The following SNTB1 variants were observed in gnomAD, a reference collection of about 807,000 sequenced individuals.
SNTB1 encodes the protein syntrophin beta 1.
SNTB1 carries 36 observed loss-of-function variants against 48.9 expected under a neutral mutation model. The observed-to-expected ratio is 0.74, with a 90% CI of 0.56 to 0.97. The LOEUF (loss-of-function observed/expected upper bound fraction) is 0.97, where lower values mean the gene tolerates loss of function less well. Ranked by LOEUF, SNTB1 falls within the 50% of genes least tolerant of loss-of-function variation. The pLI, the probability that SNTB1 is intolerant of heterozygous loss-of-function variation, is 0.00. For synonymous variants in SNTB1, 299 were observed against 294.6 expected (o/e 1.01, Z -0.15); for missense variants, 786 against 703.4 (o/e 1.12, Z -1.33).
At chr8:120,604,054 C>G (rs960846239) in intron 3 of SNTB1, among the ~76,000 whole-genome samples, 1 of 152,066 alleles carries the variant, frequency 6.6e-6, no homozygotes, top group African/African-American at 2.4e-5. Flanking sequence ...TGGTCCAGAT[C>G]CTCTGATTAC....
intron 2 of SNTB1, among the ~76,000 whole-genome samples, chr8:120,668,194 C>G (rs1429956681): frequency 6.6e-6 from 1 of 152,334 alleles, no homozygotes; most frequent in East Asian, 1.9e-4. Context: ...CTGTCAGGCT[C>G]TCCTGCGGTT....
chr8:120,779,679 AC>A (rs1198842570), intron 1 of SNTB1, among the ~76,000 whole-genome samples: 1 of 152,102 alleles, frequency 6.6e-6, no homozygotes, highest in East Asian at 1.9e-4. Context: ...TGTGGGTAAA[AC>A]GAACTTTGAG....
chr8:120,804,337 C>G (rs1407250163), intron 1 of SNTB1, among the ~76,000 whole-genome samples: 1 of 152,020 alleles, frequency 6.6e-6, no homozygotes, highest in Non-Finnish European at 1.5e-5. Flanking sequence ...GTTCCAGGCA[C>G]TGTGCTAAAG....
intron 1 of SNTB1, among the ~76,000 whole-genome samples, chr8:120,704,276 C>G (rs117172329): frequency 1.3e-5 from 2 of 151,964 alleles, no homozygotes; most frequent in African/African-American, 4.8e-5. Flanking sequence ...TACAGCATGA[C>G]CTCATTTCTA....
chr8:120,802,604 A>T (rs1404957587), intron 1 of SNTB1, among the ~76,000 whole-genome samples: 3 of 152,184 alleles, frequency 2.0e-5, no homozygotes, highest in Non-Finnish European at 4.4e-5. Flanking sequence ...CCTATATGGC[A>T]AATCACAAAT....
At chr8:120,590,468 G>A (rs1479705504) in intron 3 of SNTB1, among the ~76,000 whole-genome samples, 2 of 152,082 alleles carry the variant, frequency 1.3e-5, no homozygotes, top group Admixed American at 1.3e-4. Flanking sequence ...AGGAAGCACA[G>A]GAAACATTAT....
chr8:120,639,939 A>G (rs2129666193), intron 2 of SNTB1, among the ~76,000 whole-genome samples: 1 of 151,870 alleles, frequency 6.6e-6, no homozygotes, highest in South Asian at 2.1e-4. Context: ...CTTGATGGGG[A>G]TGGCATTGAA....
intron 1 of SNTB1, among the ~76,000 whole-genome samples, chr8:120,785,151 C>T (rs138794093): frequency 8.9e-4 from 136 of 152,270 alleles, no homozygotes; most frequent in Admixed American, 2.4e-3. Context: ...TTAGAGAAAC[C>T]CCCAGCTGAG....
intron 1 of SNTB1, among the ~76,000 whole-genome samples, chr8:120,808,520 T>A (rs950342616): frequency 6.6e-6 from 1 of 152,206 alleles, no homozygotes; most frequent in Non-Finnish European, 1.5e-5. Flanking sequence ...AAGGGATAGT[T>A]TCATGTTCAT....
At chr8:120,754,578 A>C (rs917805184) in intron 1 of SNTB1, among the ~76,000 whole-genome samples, 5 of 152,212 alleles carry the variant, frequency 3.3e-5, no homozygotes, top group African/African-American at 1.2e-4. Flanking sequence ...TGGGGATAAG[A>C]ATTGTTCCAA....
At chr8:120,549,005 T>C in intron 4 of SNTB1, 47 bp from the exon 5 acceptor site, 3 of 1,465,920 alleles carry the variant, frequency 2.0e-6, no homozygotes, top group Non-Finnish European at 2.8e-6. Context: ...GACTAGTTTA[T>C]TCACCTGGCA....
At chr8:120,689,023 A>G (rs1446523498) in intron 2 of SNTB1, among the ~76,000 whole-genome samples, 1 of 152,198 alleles carries the variant, frequency 6.6e-6, no homozygotes, top group African/African-American at 2.4e-5. Context: ...TGAATATGAA[A>G]AACAAGAGAT....
intron 1 of SNTB1, among the ~76,000 whole-genome samples, chr8:120,705,758 T>C (rs963061906): frequency 6.6e-6 from 1 of 152,230 alleles, no homozygotes; most frequent in Non-Finnish European, 1.5e-5. Context: ...AGCATAAAAT[T>C]GTGCTGTACA....
chr8:120,694,978 A>G (rs528937205), intron 1 of SNTB1, among the ~76,000 whole-genome samples: 5 of 152,276 alleles, frequency 3.3e-5, no homozygotes, highest in South Asian at 4.2e-4. Context: ...GCTCTTTGAT[A>G]TATTTGCCTT....
chr8:120,640,593 T>C (rs1817175287), intron 2 of SNTB1, among the ~76,000 whole-genome samples: 1 of 152,214 alleles, frequency 6.6e-6, no homozygotes, highest in African/African-American at 2.4e-5. Context: ...CATGAAGGAC[T>C]GTTGAATTTT....
chr8:120,776,894 G>A (rs972095804), intron 1 of SNTB1: 5 of 152,134 alleles, frequency 3.3e-5, no homozygotes, highest in South Asian at 2.1e-4. Flanking sequence ...TCTAAGAAGC[G>A]TGCAGATTAA....
intron 2 of SNTB1, among the ~76,000 whole-genome samples, chr8:120,667,089 C>A (rs1817684875): frequency 7.7e-6 from 1 of 129,160 alleles, no homozygotes; most frequent in African/African-American, 2.7e-5. Flanking sequence ...AATTCTCTCT[C>A]TCTCTCTCTT....
chr8:120,543,443 C>T (rs1815325065), intron 5 of SNTB1, among the ~76,000 whole-genome samples: 1 of 152,128 alleles, frequency 6.6e-6, no homozygotes, highest in African/African-American at 2.4e-5. Context: ...CTTTATAAAC[C>T]ACACACTTCT....
At chr8:120,764,743 C>A (rs932275633) in intron 1 of SNTB1, among the ~76,000 whole-genome samples, 1 of 152,070 alleles carries the variant, frequency 6.6e-6, no homozygotes, top group Admixed American at 6.5e-5. Context: ...TGAAGTAAAC[C>A]CACTAGACAT....
Sources: gnomAD v4.1 joint callset for allele counts (sites outside exome capture counted in the v4.1 genomes callset) on GRCh38, gnomAD v4.1.1 for gene constraint, MANE v1.5 for transcripts, NCBI Gene and HGNC (gene_info 2026-07-23, HGNC 2026-07-21) for gene names.